The following LRRC61 variants were observed in gnomAD, a reference collection of about 807,000 sequenced individuals.
LRRC61 encodes leucine-rich repeat-containing protein 61.
In LRRC61, 9 loss-of-function variants were observed where a neutral mutation model predicts 15.1. That is an observed-to-expected ratio of 0.60 (90% CI 0.36 to 1.04). The LOEUF (loss-of-function observed/expected upper bound fraction) is 1.04. Ranked by LOEUF, LRRC61 falls within the 50% of genes least tolerant of loss-of-function variation. The pLI is 0.01. For missense variants in LRRC61, 344 were observed against 335.6 expected (o/e 1.03, Z -0.20); for synonymous variants, 173 against 158.6 (o/e 1.09, Z -0.68).
chr7:150,318,447 A>G (rs1329877278), upstream of LRRC61, among the ~76,000 whole-genome samples: 1 of 152,158 alleles, frequency 6.6e-6, no homozygotes, highest in Non-Finnish European at 1.5e-5. Flanking sequence ...GTCCTGGAAA[A>G]CTAATAAAGA....
At chr7:150,326,975 C>T (rs1290841985) in intron 2 of LRRC61, among the ~76,000 whole-genome samples, 1 of 152,182 alleles carries the variant, frequency 6.6e-6, no homozygotes, top group East Asian at 1.9e-4. Flanking sequence ...CCACTTAACC[C>T]TTCTGAGGTT....
At chr7:150,332,312 G>T (rs1177950356) in intron 2 of LRRC61, 1 of 167,112 alleles carries the variant, frequency 6.0e-6, no homozygotes, top group Non-Finnish European at 1.5e-5. Flanking sequence ...CATCCAGGTA[G>T]CCTAAGGACT....
rs1314279929 is a variant in LRRC61, at chr7:150,323,460, G to C, written c.-415G>C. On this transcript the variant is annotated 5_prime_UTR_variant, in exon 1 of 3. Coordinates refer to ENST00000359623, the MANE Select transcript of LRRC61 (RefSeq NM_001142928.2). The stretch of plus-strand genomic sequence containing the variant: ...GCCAGGCGGCGGGCGGCGGGGCTGC[G>C]GCTCTTACCTGCCGAGGAGGCGCCG... 1.1e-5 allele frequency: 4 copies of C among 372,956 alleles called. No homozygotes were observed. The highest frequency in any genetic ancestry group is 3.6e-5 in the Admixed American group (1 of 27,618). The allele number at this position is 372,956 out of a possible 1,614,324, so 23.1% of individuals were successfully genotyped here.
At chr7:150,326,141 C>G (rs1056925654) in intron 2 of LRRC61, 131 bp downstream of exon 2, 1 of 152,270 alleles carries the variant, frequency 6.6e-6, no homozygotes. Flanking sequence ...TCCCCCTGGT[C>G]TAATGATGAG....
chr7:150,330,985 T>A lies in LRRC61; in HGVS notation c.-145+4975T>A. On this transcript the variant is annotated intron_variant, in intron 2 of 2. Transcript: ENST00000359623. This position sits in a 1 kb window ranked among gnomAD's most constrained non-coding sequence, Gnocchi z 4.6. ...TCCACCAAGAGCCACTGGGCCAGCA[T>A]CATTGTCAAGAAGTATCTGTGGGAG... The A allele has an allele frequency of 6.2e-7, 1 of 1,611,820 alleles. No homozygotes were observed. The highest frequency in any genetic ancestry group is 8.5e-7 in the Non-Finnish European group (1 of 1,179,932).
Position 150,330,797 on chromosome 7 carries a change from G to A in LRRC61, c.-145+4787G>A, listed in dbSNP as rs1798083269. ...TGCAAAGCCCCAGGGGTCTGTGCGTGGACCCCACCAGGGTAGCCAAGAGCT... is the reference window on the plus strand; with the variant it reads ...TGCAAAGCCCCAGGGGTCTGTGCGTAGACCCCACCAGGGTAGCCAAGAGCT... On this transcript the variant is annotated intron_variant, in intron 2 of 2. Transcript: ENST00000359623. The surrounding 1 kb of genome is among the most constrained non-coding windows in gnomAD (Gnocchi z 4.6). 6.2e-7 allele frequency: 1 copy of A among 1,613,046 alleles called. No homozygotes were observed. Among genetic ancestry groups the A allele is most frequent in the African/African-American group, 1.3e-5 (1 of 74,922 alleles).
the LRRC61 span, among the ~76,000 whole-genome samples, chr7:150,312,406 T>A: frequency 2.0e-5 from 3 of 152,356 alleles, no homozygotes; most frequent in South Asian, 6.2e-4. Flanking sequence ...AAGGGTAATA[T>A]AATAGATCAT....
At chr7:150,315,626 A>C in the LRRC61 span, among the ~76,000 whole-genome samples, 1 of 152,166 alleles carries the variant, frequency 6.6e-6, no homozygotes, top group Non-Finnish European at 1.5e-5. Flanking sequence ...AAAAGGTAAA[A>C]CTGAGCTCAC....
At chr7:150,329,081 G>C (rs1043364038) in intron 2 of LRRC61, among the ~76,000 whole-genome samples, 3 of 152,196 alleles carry the variant, frequency 2.0e-5, no homozygotes, top group African/African-American at 2.4e-5. Context: ...TTTCAAGGTC[G>C]GGGGGTTTCA....
intron 2 of LRRC61, chr7:150,332,331 C>G (rs1369276314): frequency 6.0e-6 from 1 of 167,066 alleles, no homozygotes; most frequent in African/African-American, 2.4e-5. Context: ...CTCCTGGTCA[C>G]TGGGTAGGGT....
chr7:150,336,967 C>T lies in LRRC61; in HGVS notation c.106C>T (p.Leu36=). ...GTTCTCCCTGGAGTCCATCCTGCTA[C>T]TGAAGCTGCGTGGCTTGGGACTGGC... ...GEFSLESILL[L]KLRGLGLADL... Residue 36 remains leucine (L), a synonymous_variant, in exon 3 of 3, where the codon CTG becomes TTG. Coordinates refer to ENST00000359623, the MANE Select transcript of LRRC61 (RefSeq NM_001142928.2). 1 of 1,614,022 alleles carries T rather than the reference C, an allele frequency of 6.2e-7. No homozygotes were observed. The highest frequency in any genetic ancestry group is 1.3e-5 in the African/African-American group (1 of 75,086).
intron 1 of LRRC61, 57 bp downstream of exon 1, chr7:150,323,617 G>A (rs1183506030): frequency 2.2e-6 from 1 of 454,174 alleles, no homozygotes; most frequent in South Asian, 1.6e-5. Context: ...CGGGGCCCGT[G>A]CCGGCCCCGG....
In LRRC61 at chr7:150,337,613, C is replaced by G; in HGVS notation, c.752C>G (p.Ala251Gly). Reference sequence around the variant, plus strand: ...CAGGCGGAGCAGGTACTCAGCTCTGCGGGCCCCACCTCTTCCTTCGTCTTC... The same window carrying G: ...CAGGCGGAGCAGGTACTCAGCTCTGGGGGCCCCACCTCTTCCTTCGTCTTC... ...LAQAEQVLSS[A>G]GPTSSFVF The change falls in exon 3 of 3, where the codon GCG (alanine) becomes GGG (glycine). Residue 251 changes from alanine to glycine, a missense_variant. Transcript: ENST00000359623. The G allele has an allele frequency of 6.5e-7, 1 of 1,533,930 alleles. No homozygotes were observed. Among genetic ancestry groups the G allele is most frequent in the Non-Finnish European group, 8.7e-7 (1 of 1,143,492 alleles).
At chr7:150,325,307 T>A (rs1273824685) in intron 1 of LRRC61, among the ~76,000 whole-genome samples, 1 of 152,208 alleles carries the variant, frequency 6.6e-6, no homozygotes, top group African/African-American at 2.4e-5. Context: ...CTGCTTCCCA[T>A]GTGGCCTGGC....
At position 150,330,660 on chromosome 7, in the gene LRRC61, G is replaced by T; in HGVS notation, c.-145+4650G>T. 8.9e-7 allele frequency: 1 copy of T among 1,119,996 alleles called. No homozygotes were observed. Among genetic ancestry groups the T allele is most frequent in the East Asian group, 2.3e-5 (1 of 42,678 alleles). 69.4% of individuals were successfully genotyped at this position (1,119,996 alleles called of 1,614,324 possible). A position where few individuals can be genotyped will look rare whatever the true frequency, so the allele number is the denominator to read the frequency against. On this transcript the variant is annotated intron_variant, in intron 2 of 2. Transcript: ENST00000359623. This position sits in a 1 kb window ranked among gnomAD's most constrained non-coding sequence, Gnocchi z 4.6. ...GGACCCTTGCTTCAAGGGGAAGATT[G>T]AGGCCATCCTGCCATGGGGGCCGAC...
At position 150,336,722 on chromosome 7, in the gene LRRC61, T is replaced by C. The variant is rs1798304156; in HGVS notation, c.-140T>C. ...TGACTGACTGTCTCTCCTCAGGGAC[T>C]GGCTGGCTTCGAGCAGGGCATCGGA... On this transcript the variant is annotated 5_prime_UTR_variant, in exon 3 of 3. Transcript: ENST00000359623. 1 of 1,133,936 alleles carries C rather than the reference T, an allele frequency of 8.8e-7. No homozygotes were observed. Among genetic ancestry groups the C allele is most frequent in the Non-Finnish European group, 1.2e-6 (1 of 804,294 alleles). 70.2% of individuals were successfully genotyped at this position (1,133,936 alleles called of 1,614,324 possible).
chr7:150,337,969 C>A lies in LRRC61; in HGVS notation c.*328C>A, dbSNP rs545379651. 9.4e-4 allele frequency: 414 copies of A among 439,192 alleles called. 2 individuals carry two copies. Among genetic ancestry groups the A allele is most frequent in the South Asian group, 1.5e-3 (59 of 40,232 alleles). 27.2% of individuals were successfully genotyped at this position (439,192 alleles called of 1,614,324 possible). ...ACAGGCGAGAAAGGTAGGGATGGGC[C>A]AGCCTCCCGTCTCAGCTGTTGGGAG... On this transcript the variant is annotated 3_prime_UTR_variant, in exon 3 of 3. Transcript: ENST00000359623.
At chr7:150,317,866 C>G in the LRRC61 span, among the ~76,000 whole-genome samples, 7 of 151,966 alleles carry the variant, frequency 4.6e-5, no homozygotes, top group East Asian at 9.7e-4. Context: ...CCACCAAGAA[C>G]ACATCTGCAG....
chr7:150,323,344 G>T, upstream of LRRC61: 1 of 275,814 alleles, frequency 3.6e-6, no homozygotes, highest in South Asian at 2.8e-5. Flanking sequence ...GGCCCCCTGG[G>T]CGCGTTCCGG....
Sources: allele counts gnomAD v4.1 joint callset (sites outside exome capture counted in the v4.1 genomes callset), GRCh38; gene constraint gnomAD v4.1.1; non-coding constraint Gnocchi (gnomAD v3.1); transcripts MANE v1.5; gene names NCBI Gene and HGNC (gene_info 2026-07-23, HGNC 2026-07-21).